The following LRP6 variants were observed in gnomAD, a reference collection of about 807,000 sequenced individuals.
LRP6 encodes LDL receptor related protein 6.
Under a neutral mutation model 184.1 loss-of-function variants are expected in LRP6, and 43 were observed. The observed-to-expected ratio is 0.23, with a 90% confidence interval of 0.18 to 0.30. The LOEUF (loss-of-function observed/expected upper bound fraction) is 0.30. Ranked by LOEUF, LRP6 falls within the 10% of genes least tolerant of loss-of-function variation. The pLI, the probability that LRP6 is intolerant of heterozygous loss-of-function variation, is 1.00. For missense variants in LRP6, 1,571 were observed against 2,005.3 expected (o/e 0.78, Z 4.14); for synonymous variants, 719 against 684.9 (o/e 1.05, Z -0.78).
At chr12:12,216,300 CTT>C in intron 2 of LRP6, among the ~76,000 whole-genome samples, 1 of 152,188 alleles carries the variant, frequency 6.6e-6, no homozygotes, top group East Asian at 1.9e-4. Flanking sequence ...TTCAAAGTGA[CTT>C]TGTTACCCAC....
intron 2 of LRP6, among the ~76,000 whole-genome samples, chr12:12,212,888 A>T (rs189642599): frequency 1.3e-5 from 2 of 152,352 alleles, no homozygotes; most frequent in Non-Finnish European, 2.9e-5. Context: ...TGAGAATTAG[A>T]ACTTATCCAG....
intron 3 of LRP6, chr12:12,187,327 C>G: frequency 1.7e-6 from 1 of 574,552 alleles, no homozygotes; most frequent in South Asian, 2.0e-5. Flanking sequence ...CCCAAACAAG[C>G]ATTTGGGAAT....
intron 15 of LRP6, among the ~76,000 whole-genome samples, chr12:12,140,169 A>G (rs1344046121): frequency 6.6e-6 from 1 of 152,100 alleles, no homozygotes; most frequent in Non-Finnish European, 1.5e-5. Context: ...AAGACACAAA[A>G]GCAGAAGAAA....
chr12:12,178,743 C>T (rs761900117), intron 7 of LRP6, among the ~76,000 whole-genome samples: 1 of 152,138 alleles, frequency 6.6e-6, no homozygotes, highest in Non-Finnish European at 1.5e-5. Flanking sequence ...TTTATGGAGT[C>T]TATGCAAAAT....
chr12:12,164,340 T>C lies in LRP6; in HGVS notation c.1985A>G (p.Lys662Arg). ...NNVAIPLTGVKEASALDFDVT... is the reference protein window; with the variant it reads ...NNVAIPLTGVREASALDFDVT... ...ATCAAAATCCAAAGCAGAAGCTTCT[T>C]TGACACCAGTGAGTGGAATAGCCAC... Residue 662 changes from lysine (K) to arginine (R), a missense_variant, in exon 9 of 23, where the codon AAA (lysine) becomes AGA (arginine). Around this residue, in one of 4 missense-constraint regions of LRP6, gnomAD observed 640 missense variants for 851.9 expected, o/e 0.75. Transcript: ENST00000261349. 1 of 1,614,134 alleles carries C rather than the reference T, an allele frequency of 6.2e-7. No individual in the cohort carries two copies. Among genetic ancestry groups the C allele is most frequent in the Non-Finnish European group, 8.5e-7 (1 of 1,179,990 alleles).
At chr12:12,220,061 C>T (rs577084026) in intron 2 of LRP6, among the ~76,000 whole-genome samples, 1 of 151,950 alleles carries the variant, frequency 6.6e-6, no homozygotes. Flanking sequence ...CTGAGGCGGG[C>T]GGATCACCTG....
chr12:12,164,780 GC>G (rs1433374724), intron 8 of LRP6, among the ~76,000 whole-genome samples: 8 of 151,798 alleles, frequency 5.3e-5, no homozygotes, highest in African/African-American at 1.9e-4. Context: ...ACCACAGTAA[GC>G]TTTAAAGTAA....
intron 2 of LRP6, among the ~76,000 whole-genome samples, chr12:12,222,064 T>C (rs1368273150): frequency 6.6e-6 from 1 of 152,200 alleles, no homozygotes; most frequent in Non-Finnish European, 1.5e-5. Context: ...ACAATGGGTT[T>C]CCACATTTCC....
chr12:12,138,658 A>G, intron 15 of LRP6, 124 bp from the exon 16 acceptor site: 2 of 1,298,226 alleles, frequency 1.5e-6, no homozygotes, highest in Non-Finnish European at 2.2e-6. Context: ...CAAGATCTCT[A>G]CCACAAAACT....
chr12:12,148,390 T>C (rs2136913353), intron 14 of LRP6, among the ~76,000 whole-genome samples: 1 of 152,314 alleles, frequency 6.6e-6, no homozygotes, highest in East Asian at 1.9e-4. Context: ...TCTTTTGAAG[T>C]AAGCTACTTT....
intron 3 of LRP6, 101 bp from the exon 4 acceptor site, chr12:12,187,220 A>G (rs1863497081): frequency 3.1e-6 from 3 of 956,918 alleles, no homozygotes; most frequent in African/African-American, 1.6e-5. Context: ...ACATTAACAC[A>G]TACAAATCTT....
chr12:12,194,830 A>G (rs1418340947), intron 3 of LRP6, among the ~76,000 whole-genome samples: 1 of 152,030 alleles, frequency 6.6e-6, no homozygotes, highest in Non-Finnish European at 1.5e-5. Context: ...TCTAACTGTA[A>G]TTCTGTATTT....
intron 15 of LRP6, 92 bp downstream of exon 15, chr12:12,147,274 A>G (rs1182494889): frequency 1.4e-6 from 2 of 1,430,234 alleles, no homozygotes; most frequent in Non-Finnish European, 2.0e-6. Flanking sequence ...CTGCCAAGAA[A>G]TGTGCCAAAA....
At chr12:12,229,383 AAAAAGAAGAAG>A (rs1470680899) in intron 2 of LRP6, among the ~76,000 whole-genome samples, 7 of 103,580 alleles carry the variant, frequency 6.8e-5, no homozygotes, top group Admixed American at 2.7e-4. Context: ...AAAAAAAAAA[AAAAAGAAGAAG>A]AAGAAGAATA....
At chr12:12,263,816 A>T (rs184339283) in intron 1 of LRP6, among the ~76,000 whole-genome samples, 1 of 152,174 alleles carries the variant, frequency 6.6e-6, no homozygotes, top group Admixed American at 6.5e-5. Flanking sequence ...CCTAGGCAAC[A>T]GAGCAAGACC....
intron 7 of LRP6, among the ~76,000 whole-genome samples, chr12:12,174,100 G>A: frequency 6.6e-6 from 1 of 151,890 alleles, no homozygotes; most frequent in Non-Finnish European, 1.5e-5. Flanking sequence ...TTCTCAAACT[G>A]AAGTATAATC....
chr12:12,204,512 G>C (rs915969834), intron 2 of LRP6, among the ~76,000 whole-genome samples: 8 of 152,122 alleles, frequency 5.3e-5, no homozygotes, highest in Non-Finnish European at 8.8e-5. Context: ...AGGATACAGA[G>C]GGGTTTGCTA....
chr12:12,220,484 C>T (rs1864458636), intron 2 of LRP6, among the ~76,000 whole-genome samples: 1 of 152,110 alleles, frequency 6.6e-6, no homozygotes, highest in Non-Finnish European at 1.5e-5. Context: ...TTCTTCTACC[C>T]TTTAGGAAAT....
chr12:12,135,366 A>G (rs1158630957), intron 16 of LRP6, 66 bp from the exon 17 acceptor site: 1 of 1,128,946 alleles, frequency 8.9e-7, no homozygotes. Flanking sequence ...GTGGGAGAGA[A>G]GAGAAAAAGG....
Sources: gnomAD v4.1 joint callset for allele counts (sites outside exome capture counted in the v4.1 genomes callset) on GRCh38, gnomAD v4.1.1 for gene constraint, gnomAD v4.1.1 regional missense constraint, MANE v1.5 for transcripts, NCBI Gene and HGNC (gene_info 2026-07-23, HGNC 2026-07-21) for gene names.